The following CASP1 variants were observed in gnomAD, a reference collection of about 807,000 sequenced individuals.
CASP1 encodes caspase 1, also known as caspase-1.
CASP1 carries 31 observed loss-of-function variants against 41.2 expected under a neutral mutation model. The observed-to-expected ratio is 0.75, with a 90% CI of 0.57 to 1.02. The LOEUF is 1.02. Among genes scored for constraint, CASP1 ranks in the 50% least tolerant of loss-of-function variants. The probability of loss-of-function intolerance (pLI) is 0.00; values close to 1 mark genes in which losing one functional copy is unlikely to be tolerated. For synonymous variants in CASP1, 163 were observed against 166.5 expected, an observed-to-expected ratio of 0.98 and a Z score of 0.16; for missense variants, 490 against 495.7, an observed-to-expected ratio of 0.99 and a Z score of 0.11.
At chr11:105,031,410 A>C in intron 3 of CASP1, 130 bp from the exon 4 acceptor site, 2 of 547,754 alleles carry the variant, frequency 3.7e-6, no homozygotes, top group South Asian at 4.8e-5. Flanking sequence ...CCTGATCTAC[A>C]TCATTAACAC....
At chr11:105,030,200 C>T (rs773726444) in intron 5 of CASP1, 130 bp downstream of exon 5, 16 of 786,494 alleles carry the variant, frequency 2.0e-5, no homozygotes, top group Non-Finnish European at 3.3e-5. Flanking sequence ...GTATCCAGCA[C>T]TCTCTCATGG....
At position 105,026,321 on chromosome 11, in the gene CASP1, C is replaced by T. The variant is rs555661640; in HGVS notation, c.1152G>A (p.Ala384=). Residue 384 remains alanine (A), a synonymous_variant, in exon 9 of 9, where the codon GCG becomes GCA. Coordinates refer to ENST00000533400, the MANE Select transcript of CASP1 (RefSeq NM_001257118.3). ...TCACTCTTTCAGTGGTGGGCATCTG[C>T]GCTCTACCATCTGGCTGCTCAAATG... ...RFSFEQPDGR[A]QMPTTERVTL... 25 of 1,611,596 alleles carry T rather than the reference C, an allele frequency of 1.6e-5. No individual in the cohort carries two copies. Among genetic ancestry groups the T allele is most frequent in the Admixed American group, 8.4e-5 (5 of 59,848 alleles).
chr11:105,033,843 A>C (rs568910), intron 2 of CASP1: 96,862 of 573,094 alleles, frequency 0.17, 9,467 homozygotes, highest in Admixed American at 0.31. Flanking sequence ...CTTTACAACT[A>C]CATAAGTGCC....
chr11:105,034,530 T>G (rs770915451), intron 1 of CASP1, 56 bp from the exon 2 acceptor site: 6 of 1,605,146 alleles, frequency 3.7e-6, no homozygotes, highest in Non-Finnish European at 5.1e-6. Context: ...ATTCCTCTCA[T>G]GTAATCAACA....
In CASP1 at chr11:105,028,570, G is replaced by A. The variant is rs1433980601; in HGVS notation, c.1006+554C>T. On this transcript the variant is annotated intron_variant, in intron 7 of 8. Coordinates refer to ENST00000533400, the MANE Select transcript of CASP1 (RefSeq NM_001257118.3). Reference sequence around the variant, plus strand: ...CAGCAATTCAAGGAAAGCCCGAGGAGGAACTAGTGGAACTGTTTTACAAAA... The same window carrying A: ...CAGCAATTCAAGGAAAGCCCGAGGAAGAACTAGTGGAACTGTTTTACAAAA... 2.6e-5 allele frequency among the ~76,000 whole-genome samples: 4 copies of A among 152,132 alleles called. No homozygotes were observed. In the East Asian group the frequency reaches 7.7e-4, roughly 29 times the overall value.
chr11:105,028,645 A>G (rs501429), intron 7 of CASP1, among the ~76,000 whole-genome samples: 23,168 of 152,074 alleles, frequency 0.15, 2,021 homozygotes, highest in Admixed American at 0.25. Flanking sequence ...ACTCCAAAGC[A>G]TACGTTTAGA....
At chr11:105,026,745 G>A (rs1269086077) in intron 8 of CASP1, 97 bp downstream of exon 8, 3 of 740,014 alleles carry the variant, frequency 4.1e-6, no homozygotes, top group Non-Finnish European at 7.2e-6. Flanking sequence ...AGCATTATTG[G>A]AAGATAAACT....
At chr11:105,030,984 T>C in intron 4 of CASP1, 181 bp downstream of exon 4, 1 of 554,304 alleles carries the variant, frequency 1.8e-6, no homozygotes, top group Non-Finnish European at 3.3e-6. Context: ...TGGATCCAAT[T>C]TGGACCTCTT....
At position 105,031,244 on chromosome 11, in the gene CASP1, G is replaced by A; in HGVS notation, c.374C>T (p.Thr125Ile). Residue 125 changes from threonine (T) to isoleucine (I), a missense_variant, in exon 4 of 9, where the codon ACA becomes ATA. By Grantham distance (89) the Thr-to-Ile change is moderately conservative. Coordinates refer to ENST00000533400, the MANE Select transcript of CASP1 (RefSeq NM_001257118.3). The stretch of plus-strand genomic sequence containing the variant: ...GACATTCCCTTCTGAGCCTGAGGAT[G>A]TGGGCATAGCTGGGTTGTCCTGCAC... ...QAVQDNPAMP[T>I]SSGSEGNVKL... The A allele has an allele frequency of 6.2e-7, 1 of 1,612,582 alleles. No individual in the cohort carries two copies. The highest frequency in any genetic ancestry group is 8.5e-7 in the Non-Finnish European group (1 of 1,178,892).
chr11:105,033,000 C>T (rs1863789824), intron 3 of CASP1, 64 bp downstream of exon 3: 2 of 1,016,704 alleles, frequency 2.0e-6, no homozygotes, highest in Non-Finnish European at 3.1e-6. Flanking sequence ...ACGTTTGATC[C>T]TACAAAATTA....
At chr11:105,035,400 G>A, upstream of CASP1, 1 of 452,502 alleles carries the variant, frequency 2.2e-6, no homozygotes, top group Non-Finnish European at 4.0e-6. Flanking sequence ...ACAGTGAAGA[G>A]TTTCTCAATC....
At chr11:105,034,130 C>G in intron 2 of CASP1, 78 bp downstream of exon 2, 1 of 1,610,480 alleles carries the variant, frequency 6.2e-7, no homozygotes, top group Non-Finnish European at 8.5e-7. Flanking sequence ...TTCCAATTAA[C>G]ATGACTAGTA....
chr11:105,034,853 TGTAA>T (rs1863927055), intron 1 of CASP1, among the ~76,000 whole-genome samples: 2 of 152,194 alleles, frequency 1.3e-5, no homozygotes, highest in African/African-American at 4.8e-5. Context: ...ACTTTCAACA[TGTAA>T]GTAAGAGTTT....
chr11:105,028,819 T>C (rs1332652297), intron 7 of CASP1, among the ~76,000 whole-genome samples: 1 of 152,160 alleles, frequency 6.6e-6, no homozygotes, highest in African/African-American at 2.4e-5. Context: ...TAATGAATGA[T>C]CTCAACATGG....
chr11:105,026,397 A>T, intron 8 of CASP1, 41 bp from the exon 9 acceptor site: 1 of 1,335,854 alleles, frequency 7.5e-7, no homozygotes, highest in Non-Finnish European at 1.1e-6. Flanking sequence ...TTTTTTGCTG[A>T]GTTTTTTTTT....
At chr11:105,027,494 G>T (rs1279590747) in intron 7 of CASP1, among the ~76,000 whole-genome samples, 2 of 151,932 alleles carry the variant, frequency 1.3e-5, no homozygotes, top group Non-Finnish European at 2.9e-5. Context: ...TTCTTATGAA[G>T]AAGAGAAATA....
chr11:105,029,364 C>T (rs1161767630), intron 6 of CASP1, 97 bp from the exon 7 acceptor site: 2 of 1,029,876 alleles, frequency 1.9e-6, no homozygotes, highest in African/African-American at 1.6e-5. Flanking sequence ...TGTGTTTGCT[C>T]TATCATTAAT....
chr11:105,026,218 A>T lies in CASP1; in HGVS notation c.*40T>A. 1 of 1,308,180 alleles carries T rather than the reference A, an allele frequency of 7.6e-7. No homozygotes were observed. Among genetic ancestry groups the T allele is most frequent in the Non-Finnish European group, 1.1e-6 (1 of 902,514 alleles). The allele number at this position is 1,308,180 out of a possible 1,614,324, so 81.0% of individuals were successfully genotyped here. The stretch of plus-strand genomic sequence containing the variant: ...AACCTTCCCACACTCCCGACCATAC[A>T]CATGTACCTGCCCACAGACATTCAT... On this transcript the variant is annotated 3_prime_UTR_variant, in exon 9 of 9. Transcript: ENST00000533400.
intron 7 of CASP1, among the ~76,000 whole-genome samples, chr11:105,028,243 T>A (rs1331459782): frequency 6.6e-6 from 1 of 152,112 alleles, no homozygotes; most frequent in African/African-American, 2.4e-5. Flanking sequence ...AAAGAAGATA[T>A]CTCATTTTAG....
Sources: allele counts gnomAD v4.1 joint callset (sites outside exome capture counted in the v4.1 genomes callset), GRCh38; gene constraint gnomAD v4.1.1; transcripts MANE v1.5; gene names NCBI Gene and HGNC (gene_info 2026-07-23, HGNC 2026-07-21).